The following CSMD1 variants were observed in gnomAD, a reference collection of about 807,000 sequenced individuals.
CSMD1 encodes the protein CUB and sushi domain-containing protein 1.
A neutral mutation model predicts 417.5 loss-of-function variants in CSMD1; 213 were observed. The ratio of observed to expected loss-of-function variants is 0.51; its 90% confidence interval spans 0.46 to 0.57. The LOEUF (loss-of-function observed/expected upper bound fraction) is 0.57, where lower values mean the gene tolerates loss of function less well. Ranked by LOEUF, CSMD1 falls within the 20% of genes least tolerant of loss-of-function variation. CSMD1 has a pLI of 0.00. For missense variants in CSMD1, 6,923 were observed against 4,529.7 expected (o/e 1.53, Z -15.17); for synonymous variants, 2,862 against 1,736.8 (o/e 1.65, Z -16.11).
At chr8:4,023,455 G>T (rs985119401) in intron 4 of CSMD1, among the ~76,000 whole-genome samples, 1 of 152,146 alleles carries the variant, frequency 6.6e-6, no homozygotes, top group Admixed American at 6.5e-5. Context: ...TAGACTCTGG[G>T]TTGAGTAGCA....
chr8:3,592,016 G>C (rs183908933), intron 8 of CSMD1, among the ~76,000 whole-genome samples: 2 of 152,068 alleles, frequency 1.3e-5, no homozygotes, highest in Non-Finnish European at 2.9e-5. Flanking sequence ...ATGATAGGTA[G>C]ATAGATACAT....
chr8:4,124,390 G>C (rs1161652693), intron 3 of CSMD1, among the ~76,000 whole-genome samples: 2 of 122,710 alleles, frequency 1.6e-5, no homozygotes, highest in Admixed American at 9.1e-5. Flanking sequence ...TCAAAAAGGA[G>C]ACAGGGGATT....
intron 26 of CSMD1, among the ~76,000 whole-genome samples, chr8:3,275,385 G>A (rs971585238): frequency 2.0e-5 from 3 of 151,956 alleles, no homozygotes; most frequent in African/African-American, 7.3e-5. Context: ...TTCACCTTTG[G>A]TGAATCTGAC....
At chr8:3,143,329 A>T (rs1415946347) in intron 40 of CSMD1, among the ~76,000 whole-genome samples, 1 of 152,172 alleles carries the variant, frequency 6.6e-6, no homozygotes, top group Non-Finnish European at 1.5e-5. Flanking sequence ...CAAATTATTG[A>T]TGTTTGTGAG....
intron 8 of CSMD1, among the ~76,000 whole-genome samples, chr8:3,614,467 T>G (rs965530645): frequency 1.3e-5 from 2 of 152,174 alleles, no homozygotes; most frequent in Admixed American, 6.6e-5. Context: ...CTTACTCACC[T>G]AGGATATGAT....
chr8:3,307,337 G>C (rs1242501483), intron 25 of CSMD1, among the ~76,000 whole-genome samples: 1 of 151,998 alleles, frequency 6.6e-6, no homozygotes, highest in Non-Finnish European at 1.5e-5. Flanking sequence ...TCACACCTAA[G>C]GAAGGTCATC....
chr8:4,725,185 G>A (rs1433962525), intron 1 of CSMD1, among the ~76,000 whole-genome samples: 1 of 152,078 alleles, frequency 6.6e-6, no homozygotes, highest in Non-Finnish European at 1.5e-5. Flanking sequence ...ATAAAAGTCA[G>A]AGAATAAAGA....
At chr8:3,341,972 A>T (rs1210781736) in intron 23 of CSMD1, among the ~76,000 whole-genome samples, 4 of 152,212 alleles carry the variant, frequency 2.6e-5, no homozygotes, top group African/African-American at 9.6e-5. Context: ...ATGGTTTTAC[A>T]AGAGCTCTTT....
At chr8:4,579,314 G>A (rs911871903) in intron 2 of CSMD1, among the ~76,000 whole-genome samples, 4 of 138,580 alleles carry the variant, frequency 2.9e-5, no homozygotes, top group African/African-American at 1.1e-4. Context: ...CAATGGTGAA[G>A]TTTAAACATA....
chr8:3,347,362 G>T (rs183439766), intron 22 of CSMD1, among the ~76,000 whole-genome samples: 1 of 152,170 alleles, frequency 6.6e-6, no homozygotes, highest in East Asian at 1.9e-4. Flanking sequence ...GGCATTTCTA[G>T]TTGGAGCTGG....
intron 5 of CSMD1, among the ~76,000 whole-genome samples, chr8:3,840,385 T>C (rs748025197): frequency 8.5e-5 from 13 of 152,216 alleles, no homozygotes; most frequent in Admixed American, 2.0e-4. Context: ...GGGAGAATAA[T>C]AGTGTGTAAA....
At chr8:4,301,654 T>G (rs1182577253) in intron 3 of CSMD1, among the ~76,000 whole-genome samples, 1 of 152,222 alleles carries the variant, frequency 6.6e-6, no homozygotes, top group Non-Finnish European at 1.5e-5. Flanking sequence ...GCTGTTAACT[T>G]TCAGGCCTCT....
At chr8:4,650,347 G>GAA (rs61642390) in intron 1 of CSMD1, among the ~76,000 whole-genome samples, 1,184 of 78,248 alleles carry the variant, frequency 0.015, 73 homozygotes, top group African/African-American at 0.044. Flanking sequence ...TCCGTCTCAA[G>GAA]AAAAAAAAAA....
chr8:4,232,927 T>C (rs1563312103), intron 3 of CSMD1, among the ~76,000 whole-genome samples: 1 of 152,182 alleles, frequency 6.6e-6, no homozygotes, highest in Non-Finnish European at 1.5e-5. Context: ...AATTCTTTGT[T>C]CCAAAAAGTT....
chr8:4,796,311 G>C (rs761761729), intron 1 of CSMD1, among the ~76,000 whole-genome samples: 1 of 151,930 alleles, frequency 6.6e-6, no homozygotes, highest in Non-Finnish European at 1.5e-5. Flanking sequence ...ATGGAGATGA[G>C]ATGACAAGCG....
intron 3 of CSMD1, among the ~76,000 whole-genome samples, chr8:4,191,362 C>A (rs1207581020): frequency 6.6e-6 from 1 of 152,052 alleles, no homozygotes; most frequent in Non-Finnish European, 1.5e-5. Flanking sequence ...CGCCACTGCA[C>A]TCCAGCCTGG....
At chr8:3,993,853 T>G (rs1218919322) in intron 5 of CSMD1, among the ~76,000 whole-genome samples, 1 of 152,190 alleles carries the variant, frequency 6.6e-6, no homozygotes, top group African/African-American at 2.4e-5. Context: ...TGCATGCCCC[T>G]CTAAGCATTA....
Position 4,079,642 on chromosome 8 carries a change from G to C in CSMD1, c.416-47543C>G, listed in dbSNP as rs140963957. ...GGAGAATTAGCTAAATTGATACACA[G>C]ACACATTGTTTCAGCGTTCTTGTGG... On this transcript the variant is annotated intron_variant, in intron 3 of 69. Coordinates refer to ENST00000635120, the MANE Select transcript of CSMD1 (RefSeq NM_033225.6). 4.4e-3 allele frequency among the ~76,000 whole-genome samples: 672 copies of C among 152,296 alleles called. 4 individuals are homozygous for C. The highest frequency in any genetic ancestry group is 0.014 in the Middle Eastern group (4 of 294).
intron 2 of CSMD1, among the ~76,000 whole-genome samples, chr8:4,566,497 C>T (rs529849016): frequency 1.7e-4 from 26 of 150,548 alleles, no homozygotes; most frequent in Admixed American, 1.3e-3. Flanking sequence ...ACTAAAAATA[C>T]AAAAAATTAG....
Sources: gnomAD v4.1 joint callset for allele counts (sites outside exome capture counted in the v4.1 genomes callset) on GRCh38, gnomAD v4.1.1 for gene constraint, MANE v1.5 for transcripts, NCBI Gene and HGNC (gene_info 2026-07-23, HGNC 2026-07-21) for gene names.